Variants in OR51B5 observed in about 807,000 individuals in gnomAD.
OR51B5 encodes the protein olfactory receptor 51B5.
For synonymous variants in OR51B5, 186 were observed against 144.8 expected (o/e 1.28, Z -2.04); for missense variants, 456 against 374.6 (o/e 1.22, Z -1.79).
At chr11:5,394,461 A>G (rs540143868) in intron 1 of OR51B5, among the ~76,000 whole-genome samples, 1 of 152,204 alleles carries the variant, frequency 6.6e-6, no homozygotes, top group African/African-American at 2.4e-5. Context: ...GCTTTAAATC[A>G]TCTGGCCCAT....
chr11:5,345,937 A>G (rs1359133135), upstream of OR51B5: 1 of 152,086 alleles, frequency 6.6e-6, no homozygotes. Flanking sequence ...CCTACTGAAC[A>G]TACAATGAGT....
chr11:5,473,469 G>C (rs1479043517), intron 1 of OR51B5, among the ~76,000 whole-genome samples: 1 of 152,162 alleles, frequency 6.6e-6, no homozygotes, highest in African/African-American at 2.4e-5. Flanking sequence ...AACAGTGTTA[G>C]ATAATTATAA....
chr11:5,486,112 C>G (rs1851494784), intron 1 of OR51B5, among the ~76,000 whole-genome samples: 1 of 136,998 alleles, frequency 7.3e-6, no homozygotes, highest in African/African-American at 2.8e-5. Context: ...AGACTTCCAG[C>G]CTCCACAACT....
intron 1 of OR51B5, among the ~76,000 whole-genome samples, chr11:5,405,071 T>A (rs1172921941): frequency 6.6e-6 from 1 of 152,240 alleles, no homozygotes. Context: ...TAGACATTCA[T>A]ATTTTCTACC....
chr11:5,397,183 C>G (rs1398338817), intron 1 of OR51B5, among the ~76,000 whole-genome samples: 1 of 152,146 alleles, frequency 6.6e-6, no homozygotes, highest in Non-Finnish European at 1.5e-5. Context: ...GCAATGGCAA[C>G]AAAAGCCAAA....
intron 1 of OR51B5, among the ~76,000 whole-genome samples, chr11:5,371,251 G>A (rs564552788): frequency 2.6e-4 from 40 of 152,116 alleles, no homozygotes; most frequent in African/African-American, 9.4e-4. Context: ...ACCTTTCCCC[G>A]GATCTAGGGT....
chr11:5,480,213 C>T (rs1364387053), intron 1 of OR51B5, among the ~76,000 whole-genome samples: 1 of 150,542 alleles, frequency 6.6e-6, no homozygotes, highest in East Asian at 1.9e-4. Context: ...TCACTCAAAA[C>T]CACTCAACTA....
intron 1 of OR51B5, chr11:5,488,851 AT>A: frequency 6.2e-7 from 1 of 1,613,990 alleles, no homozygotes; most frequent in Non-Finnish European, 8.5e-7. Context: ...TGCTGCCCTC[AT>A]CCTGGTCATT....
chr11:5,421,155 C>G (rs954906583), intron 1 of OR51B5, among the ~76,000 whole-genome samples: 1 of 152,210 alleles, frequency 6.6e-6, no homozygotes, highest in Non-Finnish European at 1.5e-5. Context: ...AGGCTGTCAC[C>G]ACCAGAGTTG....
chr11:5,478,986 G>C (rs530898920), intron 1 of OR51B5, among the ~76,000 whole-genome samples: 1 of 151,918 alleles, frequency 6.6e-6, no homozygotes, highest in Non-Finnish European at 1.5e-5. Flanking sequence ...GCAGGTCAAC[G>C]TTCAGATTCA....
At chr11:5,447,843 C>G (rs970424981) in intron 1 of OR51B5, among the ~76,000 whole-genome samples, 1 of 152,170 alleles carries the variant, frequency 6.6e-6, no homozygotes, top group Non-Finnish European at 1.5e-5. Flanking sequence ...CTTCTAGAAC[C>G]AGCCTTACCA....
At position 5,500,428 on chromosome 11, in the gene OR51B5, GA is replaced by G. The variant is rs987071058; in HGVS notation, n.84+5140del. ...AAAATACCAATTATATTGCTAGTGT[GA>G]AAACTGTCGGTACCAAAATGGAGTC... On this transcript the variant is annotated intron_variant and non_coding_transcript_variant, in intron 1 of 4. Transcript: ENST00000415970. Among the ~76,000 whole-genome samples the G allele has an allele frequency of 1.5e-4, 18 of 121,170 alleles. 3 individuals are homozygous for G. The highest frequency in any genetic ancestry group is 3.0e-4 in the Non-Finnish European group (15 of 50,338). 79.5% of individuals were successfully genotyped at this position (121,170 alleles called of 152,430 possible).
intron 1 of OR51B5, among the ~76,000 whole-genome samples, chr11:5,500,272 A>C (rs1264585354): frequency 6.6e-6 from 1 of 152,216 alleles, no homozygotes; most frequent in Admixed American, 6.5e-5. Context: ...ACTAATATCT[A>C]TCTCAGACCA....
chr11:5,488,945 C>G (rs1313278469), intron 1 of OR51B5: 3 of 1,614,098 alleles, frequency 1.9e-6, no homozygotes, highest in Non-Finnish European at 2.5e-6. Flanking sequence ...AGTTCTACCA[C>G]TGTGCCCAAG....
intron 1 of OR51B5, among the ~76,000 whole-genome samples, chr11:5,449,536 C>G (rs1187633321): frequency 1.3e-5 from 2 of 152,206 alleles, no homozygotes; most frequent in Non-Finnish European, 2.9e-5. Flanking sequence ...GATCTCTGGA[C>G]TTGGGGTTCT....
intron 1 of OR51B5, chr11:5,488,721 C>A: frequency 6.2e-7 from 1 of 1,612,928 alleles, no homozygotes; most frequent in South Asian, 1.1e-5. Context: ...CAGATTCCAA[C>A]CTCAGTGATA....
At chr11:5,390,472 G>T in intron 1 of OR51B5, 6 of 1,138,616 alleles carry the variant, frequency 5.3e-6, no homozygotes, top group Non-Finnish European at 7.2e-6. Context: ...TGCTCTTAAA[G>T]ATTTTTTGCC....
intron 1 of OR51B5, chr11:5,390,306 T>C (rs774206912): frequency 1.2e-6 from 2 of 1,613,756 alleles, no homozygotes; most frequent in Admixed American, 3.3e-5. Context: ...AACCCAATCA[T>C]ATACAGCATT....
intron 1 of OR51B5, among the ~76,000 whole-genome samples, chr11:5,387,920 T>C (rs931513186): frequency 8.5e-5 from 13 of 152,060 alleles, no homozygotes; most frequent in Admixed American, 6.6e-4. Context: ...GTGTTTATTT[T>C]TGTCTCTGTT....
Sources: allele counts gnomAD v4.1 joint callset (sites outside exome capture counted in the v4.1 genomes callset), GRCh38; gene constraint gnomAD v4.1.1; transcripts MANE v1.5; gene names NCBI Gene and HGNC (gene_info 2026-07-23, HGNC 2026-07-21).